The following RBFOX1 variants were observed in gnomAD, a reference collection of about 807,000 sequenced individuals.
RBFOX1 encodes RNA binding protein fox-1 homolog 1.
RBFOX1 carries 8 observed loss-of-function variants against 57.7 expected under a neutral mutation model. The observed-to-expected ratio is 0.14, with a 90% CI of 0.08 to 0.25. The LOEUF is 0.25. Among genes scored for constraint, RBFOX1 ranks in the 10% least tolerant of loss-of-function variants. RBFOX1 has a pLI of 1.00. For synonymous variants in RBFOX1, 326 were observed against 222.4 expected, an observed-to-expected ratio of 1.47 and a Z score of -4.15; for missense variants, 611 against 548.5, an observed-to-expected ratio of 1.11 and a Z score of -1.14.
chr16:5,788,718 G>T (rs187508965), intron 3 of RBFOX1, among the ~76,000 whole-genome samples: 25 of 152,246 alleles, frequency 1.6e-4, no homozygotes, highest in South Asian at 1.0e-3. Flanking sequence ...CTCAGCGAGT[G>T]TAAGACACAC....
chr16:7,203,320 C>G (rs947288388), intron 4 of RBFOX1, among the ~76,000 whole-genome samples: 12 of 152,096 alleles, frequency 7.9e-5, no homozygotes, highest in African/African-American at 2.9e-4. Flanking sequence ...ATTCCACTCA[C>G]ATGAAGTTTG....
intron 13 of RBFOX1, among the ~76,000 whole-genome samples, chr16:7,666,174 C>T (rs561577204): frequency 9.9e-5 from 15 of 152,178 alleles, no homozygotes; most frequent in Admixed American, 3.3e-4. Context: ...GAAGCCCATT[C>T]ATTTCCTCAG....
chr16:5,911,118 A>C (rs1447575940), intron 4 of RBFOX1, among the ~76,000 whole-genome samples: 1 of 152,090 alleles, frequency 6.6e-6, no homozygotes, highest in African/African-American at 2.4e-5. Context: ...CTGTCATTGG[A>C]CTGGCATTGA....
At chr16:6,096,610 C>A (rs1056253383) in intron 1 of RBFOX1, among the ~76,000 whole-genome samples, 1 of 152,174 alleles carries the variant, frequency 6.6e-6, no homozygotes, top group African/African-American at 2.4e-5. Flanking sequence ...TTTTGGGATT[C>A]TGTGAACCAA....
intron 1 of RBFOX1, among the ~76,000 whole-genome samples, chr16:6,249,150 T>C (rs764316670): frequency 3.9e-4 from 59 of 152,146 alleles, no homozygotes; most frequent in Non-Finnish European, 6.9e-4. Context: ...AAGACTTCCA[T>C]GAGAAGGTAG....
intron 4 of RBFOX1, among the ~76,000 whole-genome samples, chr16:7,116,418 A>G (rs2065912793): frequency 6.6e-6 from 1 of 152,140 alleles, no homozygotes; most frequent in South Asian, 2.1e-4. Context: ...GCAATATTGC[A>G]GTGAAATGCA....
chr16:6,018,084 A>T (rs999602549), upstream of RBFOX1, among the ~76,000 whole-genome samples: 2 of 152,180 alleles, frequency 1.3e-5, no homozygotes. Context: ...CCTTGAACAA[A>T]TTACAACTCA....
intron 1 of RBFOX1, among the ~76,000 whole-genome samples, chr16:6,247,559 C>T (rs563688124): frequency 2.6e-5 from 4 of 152,152 alleles, no homozygotes; most frequent in Non-Finnish European, 4.4e-5. Context: ...GTCTGTATAG[C>T]CTGTTGTGCC....
At chr16:5,778,661 C>T (rs1038801458) in intron 3 of RBFOX1, among the ~76,000 whole-genome samples, 4 of 152,258 alleles carry the variant, frequency 2.6e-5, no homozygotes, top group South Asian at 2.1e-4. Context: ...TGTCCACAGC[C>T]AGGTGTCCTG....
At chr16:6,670,216 G>A (rs1254905819) in intron 3 of RBFOX1, among the ~76,000 whole-genome samples, 4 of 151,892 alleles carry the variant, frequency 2.6e-5, no homozygotes, top group Non-Finnish European at 2.9e-5. Flanking sequence ...GGAGTGCACC[G>A]TTATGCCTGG....
intron 2 of RBFOX1, among the ~76,000 whole-genome samples, chr16:6,534,782 G>A (rs1428096557): frequency 6.6e-6 from 1 of 152,108 alleles, no homozygotes; most frequent in Non-Finnish European, 1.5e-5. Context: ...TTTGACTGGG[G>A]TACTGGTTCA....
At chr16:7,447,710 A>G (rs951906320) in intron 4 of RBFOX1, among the ~76,000 whole-genome samples, 2 of 152,166 alleles carry the variant, frequency 1.3e-5, no homozygotes, top group Non-Finnish European at 2.9e-5. Context: ...GTCTCTCACT[A>G]TCCTCTTCTT....
chr16:7,221,351 ATTTATTTATTTATTTT>A (rs1161882837), intron 4 of RBFOX1, among the ~76,000 whole-genome samples: 53 of 149,642 alleles, frequency 3.5e-4, no homozygotes, highest in African/African-American at 1.3e-3. Flanking sequence ...TTGATTATTT[ATTTATTTATTTATTTT>A]TTTATTTATT....
chr16:5,567,817 G>C (rs1314756520), intron 2 of RBFOX1, among the ~76,000 whole-genome samples: 1 of 152,106 alleles, frequency 6.6e-6, no homozygotes, highest in Non-Finnish European at 1.5e-5. Flanking sequence ...TGCCAAGCAC[G>C]TCCTGATCAT....
At chr16:5,386,971 A>C (rs973627756) in intron 1 of RBFOX1, among the ~76,000 whole-genome samples, 3 of 152,326 alleles carry the variant, frequency 2.0e-5, no homozygotes, top group Middle Eastern at 3.4e-3. Flanking sequence ...GAATCTCTTG[A>C]ACCCAGGAGG....
chr16:6,638,824 A>C (rs1275300085), intron 2 of RBFOX1, among the ~76,000 whole-genome samples: 1 of 152,188 alleles, frequency 6.6e-6, no homozygotes, highest in African/African-American at 2.4e-5. Flanking sequence ...TGGTCTTGTC[A>C]GTTACTTAAG....
chr16:6,954,123 C>G lies in RBFOX1; in HGVS notation c.-15-97934C>G, dbSNP rs1318429370. On this transcript the variant is annotated intron_variant, in intron 3 of 15. Transcript: ENST00000550418. ...ACACTTAAGGTGTCAGTCACCTTTGCAGGCGTATTGGAAGTTACAGGTTAG... is the reference window on the plus strand; with the variant it reads ...ACACTTAAGGTGTCAGTCACCTTTGGAGGCGTATTGGAAGTTACAGGTTAG... Among the ~76,000 whole-genome samples the G allele has an allele frequency of 9.9e-5, 15 of 152,272 alleles. No individual in the cohort carries two copies. In the South Asian group the frequency reaches 3.1e-3, roughly 32 times the overall value.
intron 3 of RBFOX1, among the ~76,000 whole-genome samples, chr16:6,824,443 C>G (rs61197377): frequency 0.027 from 4,129 of 152,252 alleles, 201 homozygotes; most frequent in African/African-American, 0.095. Flanking sequence ...GTCAAGGCAA[C>G]TCAAGATGTT....
chr16:5,250,784 C>A (rs2062431741), intron 1 of RBFOX1, among the ~76,000 whole-genome samples: 1 of 152,200 alleles, frequency 6.6e-6, no homozygotes, highest in African/African-American at 2.4e-5. Context: ...ACCGATACGT[C>A]TGTGGATGGT....
Sources: gnomAD v4.1 joint callset for allele counts (sites outside exome capture counted in the v4.1 genomes callset) on GRCh38, gnomAD v4.1.1 for gene constraint, MANE v1.5 for transcripts, NCBI Gene and HGNC (gene_info 2026-07-23, HGNC 2026-07-21) for gene names.